OR4K17: variants seen among roughly 807,000 people sequenced by gnomAD.
OR4K17 encodes olfactory receptor family 4 subfamily K member 17.
For synonymous variants in OR4K17, 157 were observed against 132.8 expected (o/e 1.18, Z -1.25); for missense variants, 480 against 366.3 (o/e 1.31, Z -2.53).
In OR4K17 at chr14:20,121,983, C is replaced by T. The variant is rs1878181547; in HGVS notation, c.*3545C>T. The T allele has an allele frequency of 6.6e-6, 1 of 152,028 alleles. No individual in the cohort carries two copies. Among genetic ancestry groups the T allele is most frequent in the Admixed American group, 6.6e-5 (1 of 15,254 alleles). 9.4% of individuals were successfully genotyped at this position (152,028 alleles called of 1,614,324 possible). ...TTGGTATAAATCATACAACAGAATG[C>T]ATGTAAGTTTTATGCAAATACTGTG... On this transcript the variant is annotated 3_prime_UTR_variant, in exon 2 of 2. Coordinates refer to ENST00000641386, the MANE Select transcript of OR4K17 (RefSeq NM_001004715.5).
intron 1 of OR4K17, 91 bp from the exon 2 acceptor site, chr14:20,117,377 C>A: frequency 6.8e-7 from 1 of 1,474,050 alleles, no homozygotes; most frequent in Non-Finnish European, 9.2e-7. Flanking sequence ...ATTGAAAGAT[C>A]CAAAGGAATG....
rs1352785041 is a variant in OR4K17, at chr14:20,118,119, C to T, written c.620C>T (p.Ser207Phe). 2 of 1,614,012 alleles carry T rather than the reference C, an allele frequency of 1.2e-6. No individual in the cohort carries two copies. Among genetic ancestry groups the T allele is most frequent in the Admixed American group, 1.7e-5 (1 of 60,008 alleles). ...ATTGTTGCCAACAGTGGCATAATCT[C>T]CCTGAGCTGTTTCATTATTTTGCTT... ...VVIVANSGII[S>F]LSCFIILLIS... The change falls in exon 2 of 2, where the codon TCC (serine) becomes TTC (phenylalanine). Residue 207 changes from serine to phenylalanine, a missense_variant. Coordinates refer to ENST00000641386, the MANE Select transcript of OR4K17 (RefSeq NM_001004715.5).
rs779577805 is a variant in OR4K17, at chr14:20,118,041, T to A, written c.542T>A (p.Leu181His). ...PNVVDSIFCD[L>H]PLVTKLACID... ...GTGGTAGACAGCATTTTTTGTGACC[T>A]CCCTTTGGTTACTAAGCTTGCCTGT... is the stretch of plus-strand genomic sequence containing the variant. The change falls in exon 2 of 2, where the codon CTC becomes CAC. Residue 181 changes from leucine (L) to histidine (H), a missense_variant. Transcript: ENST00000641386. The A allele has an allele frequency of 6.2e-7, 1 of 1,614,072 alleles. No homozygotes were observed. Among genetic ancestry groups the A allele is most frequent in the African/African-American group, 1.3e-5 (1 of 74,930 alleles).
intron 1 of OR4K17, among the ~76,000 whole-genome samples, chr14:20,112,975 T>C (rs1336904021): frequency 6.6e-6 from 1 of 152,016 alleles, no homozygotes; most frequent in Non-Finnish European, 1.5e-5. Flanking sequence ...CCAATAGTAA[T>C]CTGGTAAACT....
chr14:20,118,266 T>C lies in OR4K17; in HGVS notation c.767T>C (p.Phe256Ser). The C allele has an allele frequency of 1.2e-6, 2 of 1,614,112 alleles. No individual in the cohort carries two copies. Among genetic ancestry groups the C allele is most frequent in the Non-Finnish European group, 1.7e-6 (2 of 1,179,978 alleles). ...ATTCTCTTCTTTGGCCCATGCATCT[T>C]TATCTACATTTGGCCCTTCGGCAAC... is the stretch of plus-strand genomic sequence containing the variant. ...VVILFFGPCI[F>S]IYIWPFGNHS... is the part of the protein sequence containing the mutation. Residue 256 changes from phenylalanine to serine, a missense_variant, in exon 2 of 2, where the codon TTT (phenylalanine) becomes TCT (serine). Phe to Ser is a radical substitution (Grantham distance 155). Transcript: ENST00000641386.
At chr14:20,113,380 G>C (rs1877921885) in intron 1 of OR4K17, among the ~76,000 whole-genome samples, 2 of 151,836 alleles carry the variant, frequency 1.3e-5, no homozygotes, top group African/African-American at 4.8e-5. Context: ...CTTACTCTGG[G>C]GTCATGGACC....
chr14:20,117,771 T>G lies in OR4K17; in HGVS notation c.272T>G (p.Val91Gly), dbSNP rs758980998. The change falls in exon 2 of 2, where the codon GTA (valine) becomes GGA (glycine). Residue 91 changes from valine (V) to glycine (G), a missense_variant. Physicochemically the swap from Val to Gly is moderately radical, Grantham distance 109. Coordinates refer to ENST00000641386, the MANE Select transcript of OR4K17 (RefSeq NM_001004715.5). ...VILNLLKKQK[V>G]ISFAGCFTQI... ...CTGAACTTGTTAAAAAAGCAGAAGG[T>G]AATTTCTTTTGCTGGGTGCTTCACT... is the stretch of plus-strand genomic sequence containing the variant. The G allele has an allele frequency of 2.5e-5, 41 of 1,613,968 alleles. No homozygotes were observed. The East Asian group carries it at 9.1e-4, about 36-fold the overall frequency.
chr14:20,118,052 A>G lies in OR4K17; in HGVS notation c.553A>G (p.Thr185Ala). ...DSIFCDLPLV[T>A]KLACIDIYFV... ...CATTTTTTGTGACCTCCCTTTGGTT[A>G]CTAAGCTTGCCTGTATAGACATATA... The change falls in exon 2 of 2, where the codon ACT becomes GCT. Residue 185 changes from threonine (T) to alanine (A), a missense_variant. Coordinates refer to ENST00000641386, the MANE Select transcript of OR4K17 (RefSeq NM_001004715.5). 1 of 1,614,182 alleles carries G rather than the reference A, an allele frequency of 6.2e-7. No homozygotes were observed. Among genetic ancestry groups the G allele is most frequent in the Non-Finnish European group, 8.5e-7 (1 of 1,180,032 alleles).
At position 20,120,852 on chromosome 14, in the gene OR4K17, A is replaced by G. The variant is rs1431311604; in HGVS notation, c.*2414A>G. On this transcript the variant is annotated 3_prime_UTR_variant, in exon 2 of 2. Transcript: ENST00000641386. ...AGTGCCAAGAGGGATTCCTCCAGCCACAACATCCCCAGTGGGAGAAAAAGA... is the reference window on the plus strand; with the variant it reads ...AGTGCCAAGAGGGATTCCTCCAGCCGCAACATCCCCAGTGGGAGAAAAAGA... The G allele has an allele frequency of 1.3e-5, 2 of 152,312 alleles. No homozygotes were observed. The highest frequency in any genetic ancestry group is 2.9e-5 in the Non-Finnish European group (2 of 68,104). 9.4% of individuals were successfully genotyped at this position (152,312 alleles called of 1,614,324 possible).
chr14:20,120,421 CTG>C lies in OR4K17; in HGVS notation c.*1989_*1990del, dbSNP rs1351051736. 1.3e-5 allele frequency: 2 copies of C among 152,160 alleles called. No homozygotes were observed. The highest frequency in any genetic ancestry group is 2.9e-5 in the Non-Finnish European group (2 of 68,022). The allele number at this position is 152,160 out of a possible 1,614,324, so 9.4% of individuals were successfully genotyped here. ...CCCCATGTATTTCAATTCAAAAAAA[CTG>C]TGTGTCTGACTCCAAAAAGAAAATT... On this transcript the variant is annotated 3_prime_UTR_variant, in exon 2 of 2. Transcript: ENST00000641386.
intron 1 of OR4K17, among the ~76,000 whole-genome samples, chr14:20,115,453 A>G (rs1445841273): frequency 6.6e-6 from 1 of 152,092 alleles, no homozygotes; most frequent in African/African-American, 2.4e-5. Context: ...GTTATTATAT[A>G]GTTTTCTCAA....
At chr14:20,111,873 T>C (rs1461000758) in intron 1 of OR4K17, 1 of 152,122 alleles carries the variant, frequency 6.6e-6, no homozygotes, top group African/African-American at 2.4e-5. Context: ...TCCAATTCTA[T>C]GTGCCTTAGC....
At chr14:20,115,024 A>G (rs1877956355) in intron 1 of OR4K17, among the ~76,000 whole-genome samples, 1 of 152,100 alleles carries the variant, frequency 6.6e-6, no homozygotes, top group African/African-American at 2.4e-5. Context: ...TGTAATTACT[A>G]TAGCCAAACC....
chr14:20,115,257 A>G (rs571492314), intron 1 of OR4K17, among the ~76,000 whole-genome samples: 2 of 152,136 alleles, frequency 1.3e-5, no homozygotes, highest in Non-Finnish European at 2.9e-5. Context: ...TTATGAAGGA[A>G]TATTTCCAGC....
chr14:20,117,918 T>C lies in OR4K17; in HGVS notation c.419T>C (p.Val140Ala). The C allele has an allele frequency of 6.2e-7, 1 of 1,614,002 alleles. No homozygotes were observed. Among genetic ancestry groups the C allele is most frequent in the Non-Finnish European group, 8.5e-7 (1 of 1,180,008 alleles). Reference protein sequence around the residue: ...LHYMTIMNKKVCVLLVVTSWL... With the variant: ...LHYMTIMNKKACVLLVVTSWL... ...TACATGACCATCATGAACAAGAAGG[T>C]ATGTGTTTTGCTTGTAGTGACCTCA... The change falls in exon 2 of 2, where the codon GTA becomes GCA. Residue 140 changes from valine (V) to alanine (A), a missense_variant. Transcript: ENST00000641386.
At chr14:20,115,315 C>A (rs1258009501) in intron 1 of OR4K17, among the ~76,000 whole-genome samples, 1 of 151,826 alleles carries the variant, frequency 6.6e-6, no homozygotes, top group Non-Finnish European at 1.5e-5. Flanking sequence ...AAAATAATCT[C>A]TTTGTTAATA....
intron 1 of OR4K17, among the ~76,000 whole-genome samples, chr14:20,115,004 G>A (rs1877956010): frequency 6.6e-6 from 1 of 151,890 alleles, no homozygotes; most frequent in South Asian, 2.1e-4. Flanking sequence ...AACTTCTGAG[G>A]CCCTCATCTT....
intron 1 of OR4K17, among the ~76,000 whole-genome samples, chr14:20,111,451 C>A (rs1028998225): frequency 7.2e-5 from 11 of 151,892 alleles, no homozygotes; most frequent in Non-Finnish European, 1.5e-4. Flanking sequence ...TTCTTCTTGG[C>A]ATGGACTTAC....
chr14:20,114,861 T>C (rs1877953526), intron 1 of OR4K17, among the ~76,000 whole-genome samples: 1 of 152,138 alleles, frequency 6.6e-6, no homozygotes, highest in Non-Finnish European at 1.5e-5. Context: ...TAAAGCATTG[T>C]ATCTAATTCT....
Sources: gnomAD v4.1 joint callset for allele counts (sites outside exome capture counted in the v4.1 genomes callset) on GRCh38, gnomAD v4.1.1 for gene constraint, MANE v1.5 for transcripts, NCBI Gene and HGNC (gene_info 2026-07-23, HGNC 2026-07-21) for gene names.